The following SGCD variants were observed in gnomAD, a reference collection of about 807,000 sequenced individuals.
SGCD encodes sarcoglycan delta.
A neutral mutation model predicts 36.6 loss-of-function variants in SGCD; 18 were observed. That is an observed-to-expected ratio of 0.49 (90% CI 0.34 to 0.73). The LOEUF (loss-of-function observed/expected upper bound fraction) is 0.73. Among genes scored for constraint, SGCD ranks in the 30% least tolerant of loss-of-function variants. The pLI is 0.01. For synonymous variants in SGCD, 133 were observed against 130.6 expected (o/e 1.02, Z -0.12); for missense variants, 387 against 346.7 (o/e 1.12, Z -0.92).
chr5:156,006,484 C>T (rs1758762733), intron 1 of SGCD, among the ~76,000 whole-genome samples: 1 of 152,186 alleles, frequency 6.6e-6, no homozygotes, highest in African/African-American at 2.4e-5. Context: ...ACCTCTCTTC[C>T]TCCCAGGAAA....
At chr5:156,487,257 C>T (rs777921382) in intron 3 of SGCD, among the ~76,000 whole-genome samples, 1 of 152,160 alleles carries the variant, frequency 6.6e-6, no homozygotes, top group Non-Finnish European at 1.5e-5. Context: ...CTAATTAAAA[C>T]TGAAGAAATC....
intron 3 of SGCD, among the ~76,000 whole-genome samples, chr5:156,466,820 A>C (rs1229762769): frequency 6.6e-6 from 1 of 152,222 alleles, no homozygotes; most frequent in African/African-American, 2.4e-5. Flanking sequence ...GTCAAAGAAA[A>C]TGTTTTAACA....
At chr5:156,378,809 AAG>A (rs563596307) in intron 3 of SGCD, among the ~76,000 whole-genome samples, 3 of 152,210 alleles carry the variant, frequency 2.0e-5, no homozygotes, top group Non-Finnish European at 4.4e-5. Context: ...TGAATAAAAT[AAG>A]AGTTAGTATG....
chr5:156,216,929 A>G (rs374480919), intron 3 of SGCD, among the ~76,000 whole-genome samples: 28 of 152,230 alleles, frequency 1.8e-4, no homozygotes, highest in Middle Eastern at 6.8e-3. Flanking sequence ...AAATACAAAA[A>G]TTAGGCAAGC....
intron 1 of SGCD, among the ~76,000 whole-genome samples, chr5:156,015,056 C>G (rs755977707): frequency 2.0e-5 from 3 of 152,148 alleles, no homozygotes. Context: ...TTAGTACTTT[C>G]CACCCTGCAG....
At chr5:155,850,603 A>G in the SGCD span, among the ~76,000 whole-genome samples, 4 of 152,224 alleles carry the variant, frequency 2.6e-5, no homozygotes, top group Admixed American at 6.5e-5. Context: ...GGAATTCACC[A>G]TCTGCTAGGG....
chr5:156,010,760 A>T (rs1455340679), intron 1 of SGCD, among the ~76,000 whole-genome samples: 2 of 152,194 alleles, frequency 1.3e-5, no homozygotes, highest in Admixed American at 6.5e-5. Context: ...GGTGAAATTA[A>T]CTTACTTATC....
chr5:156,031,916 T>C (rs935462564), intron 1 of SGCD, among the ~76,000 whole-genome samples: 3 of 152,198 alleles, frequency 2.0e-5, no homozygotes, highest in African/African-American at 7.2e-5. Context: ...TATTAGGTGC[T>C]AAGTCATTAT....
chr5:155,766,283 T>C, the SGCD span, among the ~76,000 whole-genome samples: 1 of 152,106 alleles, frequency 6.6e-6, no homozygotes, highest in Non-Finnish European at 1.5e-5. Context: ...CTTGAACAGC[T>C]CACACAGCGG....
At chr5:156,506,188 G>T (rs1756685222) in intron 3 of SGCD, among the ~76,000 whole-genome samples, 1 of 152,126 alleles carries the variant, frequency 6.6e-6, no homozygotes, top group African/African-American at 2.4e-5. Flanking sequence ...TGTGTGTGTT[G>T]TGAGTTAAAT....
At chr5:156,659,247 GA>G (rs1236040443) in intron 7 of SGCD, among the ~76,000 whole-genome samples, 2 of 64,230 alleles carry the variant, frequency 3.1e-5, no homozygotes, top group Non-Finnish European at 5.8e-5. Flanking sequence ...TGACTGAACA[GA>G]AGAGTGCAAT....
chr5:155,940,845 AAAAC>A (rs946186541), intron 1 of SGCD, among the ~76,000 whole-genome samples: 14 of 143,784 alleles, frequency 9.7e-5, no homozygotes, highest in Non-Finnish European at 1.8e-4. Flanking sequence ...AATCCGTCTC[AAAAC>A]AAACAAACAA....
chr5:156,013,591 A>G (rs1758905535), intron 1 of SGCD, among the ~76,000 whole-genome samples: 1 of 152,144 alleles, frequency 6.6e-6, no homozygotes, highest in Non-Finnish European at 1.5e-5. Context: ...TTCTTTGATT[A>G]CTGTAGTGTT....
chr5:155,795,443 T>C, the SGCD span, among the ~76,000 whole-genome samples: 2 of 152,044 alleles, frequency 1.3e-5, no homozygotes, highest in Non-Finnish European at 2.9e-5. Flanking sequence ...TAACAGAAAG[T>C]AGAAAAAGTA....
chr5:156,116,063 A>G (rs1581107783), intron 1 of SGCD, among the ~76,000 whole-genome samples: 2 of 152,236 alleles, frequency 1.3e-5, no homozygotes, highest in South Asian at 4.1e-4. Flanking sequence ...TTAAAATTTT[A>G]TTATTTTGTC....
chr5:156,632,430 A>G lies in SGCD; in HGVS notation c.503-15034A>G, dbSNP rs150598813. 1.7e-3 allele frequency among the ~76,000 whole-genome samples: 257 copies of G among 152,336 alleles called. 1 individual carries two copies. Among genetic ancestry groups the G allele is most frequent in the African/African-American group, 5.9e-3 (245 of 41,586 alleles). ...ATCCCACTTTCCTCCTTTGTCTCAT[A>G]TGCAGATAGGACACCTTATTTTGAA... is the stretch of plus-strand genomic sequence containing the variant. On this transcript the variant is annotated intron_variant, in intron 6 of 8. Transcript: ENST00000337851.
chr5:156,634,672 G>A (rs2113543137), intron 6 of SGCD, among the ~76,000 whole-genome samples: 1 of 152,174 alleles, frequency 6.6e-6, no homozygotes, highest in Middle Eastern at 3.4e-3. Context: ...GATAAAATTG[G>A]GCTGTATTTG....
intron 1 of SGCD, among the ~76,000 whole-genome samples, chr5:155,990,305 G>A (rs765615978): frequency 2.0e-5 from 3 of 152,122 alleles, no homozygotes; most frequent in South Asian, 2.1e-4. Context: ...TGTCAATAAT[G>A]GTATTGAAAC....
chr5:155,934,445 T>C (rs1054291705), intron 1 of SGCD, among the ~76,000 whole-genome samples: 7 of 152,214 alleles, frequency 4.6e-5, no homozygotes, highest in Non-Finnish European at 8.8e-5. Flanking sequence ...GCACATTTAA[T>C]ATCCCACTAC....
Sources: gnomAD v4.1 joint callset for allele counts (sites outside exome capture counted in the v4.1 genomes callset) on GRCh38, gnomAD v4.1.1 for gene constraint, MANE v1.5 for transcripts, NCBI Gene and HGNC (gene_info 2026-07-23, HGNC 2026-07-21) for gene names.